Variants in CRB1 observed in about 807,000 individuals in gnomAD.
CRB1 encodes crumbs cell polarity complex component 1, also known as protein crumbs homolog 1.
Under a neutral mutation model 120.0 loss-of-function variants are expected in CRB1, and 83 were observed. The ratio of observed to expected loss-of-function variants is 0.69; its 90% CI spans 0.58 to 0.83. The LOEUF is 0.83. Ranked by LOEUF, CRB1 falls within the 40% of genes least tolerant of loss-of-function variation. CRB1 has a pLI of 0.00. For synonymous variants in CRB1, 625 were observed against 612.5 expected (o/e 1.02, Z -0.30); for missense variants, 1,699 against 1,687.6 (o/e 1.01, Z -0.12).
At chr1:197,300,193 AG>A (rs1285564601) in intron 1 of CRB1, among the ~76,000 whole-genome samples, 2 of 151,954 alleles carry the variant, frequency 1.3e-5, no homozygotes, top group Non-Finnish European at 2.9e-5. Context: ...TTCAAGTGAA[AG>A]TAAGGGTCAC....
intron 11 of CRB1, among the ~76,000 whole-genome samples, chr1:197,476,044 G>A (rs1162421658): frequency 6.6e-6 from 1 of 151,800 alleles, no homozygotes; most frequent in Non-Finnish European, 1.5e-5. Flanking sequence ...CAAGTCGTTG[G>A]GATTACAGGC....
chr1:197,203,984 T>G, the CRB1 span, among the ~76,000 whole-genome samples: 1 of 152,048 alleles, frequency 6.6e-6, no homozygotes, highest in Admixed American at 6.5e-5. Flanking sequence ...GTCCATTGTA[T>G]TATTCTTATG....
rs745662323 is a variant in CRB1 at position 197,347,381 on chromosome 1, A to G, written c.890A>G (p.His297Arg). 1.2e-6 allele frequency: 2 copies of G among 1,612,832 alleles called. No individual in the cohort carries two copies. The highest frequency in any genetic ancestry group is 2.7e-5 in the African/African-American group (2 of 74,918). The change falls in exon 4 of 12, where the codon CAC becomes CGC. Residue 297 changes from histidine (H) to arginine (R), a missense_variant. Coordinates refer to ENST00000367400, the MANE Select transcript of CRB1 (RefSeq NM_201253.3). ...ACGGGTAGTGGATTCACAGGGACAC[A>G]CTGTGAGACCTTGATGCCTCTTTGT... ...NCTGSGFTGTHCETLMPLCWS... is the reference protein window; with the variant it reads ...NCTGSGFTGTRCETLMPLCWS...
At chr1:197,234,316 C>T in the CRB1 span, among the ~76,000 whole-genome samples, 1 of 152,178 alleles carries the variant, frequency 6.6e-6, no homozygotes, top group Admixed American at 6.5e-5. Flanking sequence ...CCTGACTCTT[C>T]TCTCTTGTAT....
intron 5 of CRB1, among the ~76,000 whole-genome samples, chr1:197,358,797 A>C (rs1018495987): frequency 1.0e-5 from 1 of 95,514 alleles, no homozygotes; most frequent in Non-Finnish European, 2.8e-5. Flanking sequence ...CCCACATATT[A>C]CTGGTCAAAT....
Position 197,292,123 on chromosome 1 carries a change from C to G in CRB1, c.70+23641C>G, listed in dbSNP as rs532391965. Among the ~76,000 whole-genome samples the G allele has an allele frequency of 4.6e-5, 7 of 152,090 alleles. No homozygotes were observed. In the East Asian group the frequency reaches 1.4e-3, roughly 29 times the overall value. On this transcript the variant is annotated intron_variant, in intron 1 of 11. Coordinates refer to ENST00000367400, the MANE Select transcript of CRB1 (RefSeq NM_201253.3). ...AAAACCCTTTAAAAAATCAATGAAT[C>G]CAGGAGCTGATTTTTTGAAAAGATC...
the CRB1 span, among the ~76,000 whole-genome samples, chr1:197,226,953 G>A: frequency 4.6e-5 from 7 of 152,196 alleles, no homozygotes; most frequent in African/African-American, 1.7e-4. Context: ...AGTATGGGGG[G>A]AAACTGCCCC....
chr1:197,477,571 T>TG (rs1558168173), intron 11 of CRB1, 93 bp from the exon 12 acceptor site: 2 of 1,143,522 alleles, frequency 1.7e-6, no homozygotes, highest in Non-Finnish European at 2.6e-6. Context: ...CAGCTTGCTC[T>TG]GGTTGGTCTT....
chr1:197,453,799 T>A (rs1275443250), intron 11 of CRB1, among the ~76,000 whole-genome samples: 1 of 143,410 alleles, frequency 7.0e-6, no homozygotes, highest in Non-Finnish European at 1.5e-5. Context: ...ATTAATATAT[T>A]AATAATAATA....
chr1:197,345,776 G>C (rs557990682), intron 3 of CRB1, among the ~76,000 whole-genome samples: 1 of 152,184 alleles, frequency 6.6e-6, no homozygotes, highest in South Asian at 2.1e-4. Flanking sequence ...CTGAAGTGTT[G>C]CGATTACAGG....
Position 197,356,947 on chromosome 1 carries a change from C to G in CRB1, c.1105C>G (p.Leu369Val). 6.2e-7 allele frequency: 1 copy of G among 1,614,226 alleles called. No individual in the cohort carries two copies. Among genetic ancestry groups the G allele is most frequent in the Non-Finnish European group, 8.5e-7 (1 of 1,180,038 alleles). Residue 369 changes from leucine (L) to valine (V), a missense_variant, in exon 5 of 12, where the codon CTG (leucine) becomes GTG (valine). Physicochemically the swap from Leu to Val is conservative, Grantham distance 32 (BLOSUM62 1). Coordinates refer to ENST00000367400, the MANE Select transcript of CRB1 (RefSeq NM_201253.3). ...SEKQYGRITG[L>V]PSSFSYHEAS... ...GAAACAATATGGACGCATCACTGGA[C>G]TGCCTTCTTCTTTCAGCTACCATGA...
rs548187251 is a variant in CRB1, at chr1:197,348,628, C to A, written c.988+1149C>A. Among the ~76,000 whole-genome samples, 5 of 152,172 alleles carry A rather than the reference C, an allele frequency of 3.3e-5. No homozygotes were observed. The South Asian group carries it at 8.3e-4, about 25-fold the overall frequency. On this transcript the variant is annotated intron_variant, in intron 4 of 11. Coordinates refer to ENST00000367400, the MANE Select transcript of CRB1 (RefSeq NM_201253.3). Reference sequence around the variant, plus strand: ...AGTAGCTGGTACTACAGGTGCCTGCCACCATGCCCGGCTAATTTTTTGTAT... The same window carrying A: ...AGTAGCTGGTACTACAGGTGCCTGCAACCATGCCCGGCTAATTTTTTGTAT...
intron 5 of CRB1, among the ~76,000 whole-genome samples, chr1:197,413,530 GT>G (rs1663814265): frequency 6.6e-6 from 1 of 152,150 alleles, no homozygotes; most frequent in Non-Finnish European, 1.5e-5. Flanking sequence ...CATTTCCTTT[GT>G]TGTAAAGCAA....
At position 197,270,132 on chromosome 1, in the gene CRB1, C is replaced by G. The variant is rs536415425; in HGVS notation, c.70+1650C>G. ...ATCTAGCATCAGCCTTCCTTTCTAC[C>G]CTTATTACCTAGTATTCTTGACACA... is the stretch of plus-strand genomic sequence containing the variant. On this transcript the variant is annotated intron_variant, in intron 1 of 11. Transcript: ENST00000367400. Among the ~76,000 whole-genome samples the G allele has an allele frequency of 5.9e-5, 9 of 152,194 alleles. No homozygotes were observed. The East Asian group carries it at 1.2e-3, about 20-fold the overall frequency.
At chr1:197,239,221 T>G in the CRB1 span, among the ~76,000 whole-genome samples, 1 of 152,172 alleles carries the variant, frequency 6.6e-6, no homozygotes, top group Non-Finnish European at 1.5e-5. Context: ...AGAAGTCAAT[T>G]AGATTATATT....
the CRB1 span, among the ~76,000 whole-genome samples, chr1:197,211,918 AG>A: frequency 6.6e-6 from 1 of 152,176 alleles, no homozygotes; most frequent in Non-Finnish European, 1.5e-5. Flanking sequence ...GAATATAAAA[AG>A]AACTCTTAAC....
rs1665818191 is a variant in CRB1, at chr1:197,448,708, C to T, written c.4005+6416C>T. ...GTATAGACTCTTCTAGGATCCTTTC[C>T]CTGATTGCCCCAGGAAAAGCTTACT... On this transcript the variant is annotated intron_variant, in intron 11 of 11. Transcript: ENST00000367400. 2.6e-5 allele frequency among the ~76,000 whole-genome samples: 4 copies of T among 152,242 alleles called. No individual in the cohort carries two copies. The South Asian group carries it at 8.3e-4, about 32-fold the overall frequency.
chr1:197,469,831 AC>A (rs1326783093), intron 11 of CRB1, among the ~76,000 whole-genome samples: 1 of 152,106 alleles, frequency 6.6e-6, no homozygotes, highest in Non-Finnish European at 1.5e-5. Context: ...TCACGTGATA[AC>A]GTTTCCATTC....
chr1:197,370,986 T>G (rs751216369), intron 5 of CRB1, among the ~76,000 whole-genome samples: 1 of 152,208 alleles, frequency 6.6e-6, no homozygotes, highest in Non-Finnish European at 1.5e-5. Flanking sequence ...TTATTATCGC[T>G]GATAACCTTC....
Sources: gnomAD v4.1 joint callset for allele counts (sites outside exome capture counted in the v4.1 genomes callset) on GRCh38, gnomAD v4.1.1 for gene constraint, MANE v1.5 for transcripts, NCBI Gene and HGNC (gene_info 2026-07-23, HGNC 2026-07-21) for gene names.